MGAM2: variants seen among roughly 807,000 people sequenced by gnomAD.
MGAM2 encodes the protein maltase-glucoamylase 2 (putative).
A neutral mutation model predicts 96.1 loss-of-function variants in MGAM2; 98 were observed. The ratio of observed to expected loss-of-function variants is 1.02; its 90% confidence interval spans 0.87 to 1.21. MGAM2 has a LOEUF of 1.21. Ranked by LOEUF, MGAM2 falls within the 50% of genes most tolerant of loss-of-function variation. MGAM2 has a pLI of 0.00. For synonymous variants in MGAM2, 749 were observed against 414.8 expected (o/e 1.81, Z -9.79); for missense variants, 2,055 against 1,182.4 (o/e 1.74, Z -10.82).
chr7:142,196,858 A>G lies in MGAM2; in HGVS notation c.4632+42A>G, dbSNP rs1341491182. 4.1e-6 allele frequency: 3 copies of G among 740,488 alleles called. No homozygotes were observed. The Admixed American group carries it at 5.6e-5, about 14-fold the overall frequency. The allele number at this position is 740,488 out of a possible 1,614,324, so 45.9% of individuals were successfully genotyped here. ...TGCTCCAGGTGTTGTGTACCCTCAA[A>G]TCATAACTTCTTTTTAACCCCCAGG... On this transcript the variant is annotated intron_variant, in intron 40 of 47. Transcript: ENST00000477922.
intron 2 of MGAM2, among the ~76,000 whole-genome samples, chr7:142,118,677 T>A (rs1794456790): frequency 6.6e-6 from 1 of 152,166 alleles, no homozygotes; most frequent in South Asian, 2.1e-4. Flanking sequence ...CTTCCTGATA[T>A]GTAGCCTGAG....
Position 142,136,573 on chromosome 7 carries a change from C to A in MGAM2, c.780C>A (p.Phe260Leu). ...GMINLYGAHTFFLCLEDARGS... is the reference protein window; with the variant it reads ...GMINLYGAHTLFLCLEDARGS... The stretch of plus-strand genomic sequence containing the variant: ...TTAATCTGTATGGAGCTCATACATT[C>A]TTCTTGTGCCTTGAAGATGCCAGGG... The change falls in exon 8 of 48, where the codon TTC (phenylalanine) becomes TTA (leucine). Residue 260 changes from phenylalanine (F) to leucine (L), a missense_variant. By Grantham distance (22) the Phe-to-Leu change is conservative. Transcript: ENST00000477922. The A allele has an allele frequency of 1.4e-6, 1 of 702,428 alleles. No individual in the cohort carries two copies. The highest frequency in any genetic ancestry group is 2.6e-6 in the Non-Finnish European group (1 of 384,396). The allele number at this position is 702,428 out of a possible 1,614,324, so 43.5% of individuals were successfully genotyped here. A position where few individuals can be genotyped will look rare whatever the true frequency, so the allele number is the denominator to read the frequency against.
Position 142,117,070 on chromosome 7 carries a change from T to A in MGAM2, c.106+91T>A. The A allele has an allele frequency of 4.3e-6, 3 of 690,594 alleles. No homozygotes were observed. In the East Asian group the frequency reaches 8.1e-5, roughly 19 times the overall value. The allele number at this position is 690,594 out of a possible 1,614,324, so 42.8% of individuals were successfully genotyped here. On this transcript the variant is annotated intron_variant, in intron 2 of 47. Coordinates refer to ENST00000477922, the MANE Select transcript of MGAM2 (RefSeq NM_001293626.2). ...TATTTTATTCTTTTACTTTTCAATA[T>A]GCCACTACATTGCAGTATTCAAAAT...
intron 45 of MGAM2, 169 bp from the exon 46 acceptor site, chr7:142,208,404 C>A: frequency 3.0e-6 from 2 of 656,788 alleles, no homozygotes; most frequent in Non-Finnish European, 5.6e-6. Context: ...CCCACACTAA[C>A]ATGCAGTGAA....
At chr7:142,191,403 T>A (rs1461934575) in intron 37 of MGAM2, among the ~76,000 whole-genome samples, 1 of 152,220 alleles carries the variant, frequency 6.6e-6, no homozygotes, top group African/African-American at 2.4e-5. Context: ...TGTCTTCTTC[T>A]AAGAGCTTTA....
Position 142,173,818 on chromosome 7 carries a change from G to A in MGAM2, c.3687+464G>A, listed in dbSNP as rs148071701. Among the ~76,000 whole-genome samples, 695 of 152,318 alleles carry A rather than the reference G, an allele frequency of 4.6e-3. 9 individuals are homozygous for A. Among genetic ancestry groups the A allele is most frequent in the African/African-American group, 0.016 (658 of 41,578 alleles). On this transcript the variant is annotated intron_variant, in intron 31 of 47. Transcript: ENST00000477922. ...GGGTTGGTACTGCATAGAGAGGGTA[G>A]ACATTCAAGAAAGCTATAGAATAAT...
intron 32 of MGAM2, among the ~76,000 whole-genome samples, chr7:142,178,935 GA>G (rs1796458312): frequency 6.6e-6 from 1 of 152,006 alleles, no homozygotes; most frequent in Non-Finnish European, 1.5e-5. Context: ...TGTCATCTCT[GA>G]TTTCCTTCAA....
At chr7:142,139,487 C>T (rs898826353) in intron 10 of MGAM2, among the ~76,000 whole-genome samples, 19 of 151,426 alleles carry the variant, frequency 1.3e-4, no homozygotes, top group Admixed American at 3.9e-4. Context: ...GGTGAAACCC[C>T]GTCTCTATTA....
Position 142,185,129 on chromosome 7 carries a change from C to T in MGAM2, c.3977C>T (p.Thr1326Ile). The change falls in exon 34 of 48, where the codon ACT becomes ATT. Residue 1326 changes from threonine to isoleucine, a missense_variant. Physicochemically the swap from Thr to Ile is moderately conservative, Grantham distance 89. Coordinates refer to ENST00000477922, the MANE Select transcript of MGAM2 (RefSeq NM_001293626.2). ...GTAGATGGATCCCTTGACCATGAAA[C>T]TCAGGTTAAGGTACAGTTGTATATA... ...VIVDGSLDHE[T>I]QVKLYRAYVA... 1 of 702,940 alleles carries T rather than the reference C, an allele frequency of 1.4e-6. No individual in the cohort carries two copies. The highest frequency in any genetic ancestry group is 2.6e-6 in the Non-Finnish European group (1 of 384,930). The allele number at this position is 702,940 out of a possible 1,614,324, so 43.5% of individuals were successfully genotyped here. A position where few individuals can be genotyped will look rare whatever the true frequency, so the allele number is the denominator to read the frequency against.
At chr7:142,206,694 A>G (rs550672666) in intron 45 of MGAM2, among the ~76,000 whole-genome samples, 1 of 152,348 alleles carries the variant, frequency 6.6e-6, no homozygotes, top group South Asian at 2.1e-4. Flanking sequence ...AATTAATAGT[A>G]CCTGAAACTT....
intron 45 of MGAM2, among the ~76,000 whole-genome samples, chr7:142,202,670 A>G (rs189578101): frequency 1.0e-3 from 152 of 152,272 alleles, no homozygotes; most frequent in Admixed American, 1.8e-3. Flanking sequence ...ATGGCTGTGT[A>G]GTATTCCATG....
At position 142,170,110 on chromosome 7, in the gene MGAM2, A is replaced by G. The variant is rs1428096435; in HGVS notation, c.3063A>G (p.Pro1021=). 1 of 702,898 alleles carries G rather than the reference A, an allele frequency of 1.4e-6. No homozygotes were observed. Among genetic ancestry groups the G allele is most frequent in the South Asian group, 1.5e-5 (1 of 67,590 alleles). The allele number at this position is 702,898 out of a possible 1,614,324, so 43.5% of individuals were successfully genotyped here. ...YDPTNKRYEV[P]VPLNTPPQPV... ...CCACTAATAAAAGGTATGAGGTTCC[A>G]GTACCACTGAACACCCCTCCCCAAC... Residue 1021 remains proline, a synonymous_variant, in exon 27 of 48, where the codon CCA becomes CCG. Coordinates refer to ENST00000477922, the MANE Select transcript of MGAM2 (RefSeq NM_001293626.2).
Position 142,125,677 on chromosome 7 carries a change from A to G in MGAM2, c.187-5271A>G, listed in dbSNP as rs970109742. Among the ~76,000 whole-genome samples the G allele has an allele frequency of 7.2e-5, 11 of 152,222 alleles. No individual in the cohort carries two copies. The South Asian group carries it at 2.3e-3, about 31-fold the overall frequency. ...TGGTTATAATATAATTACTTTGTTT[A>G]TAATAGGTATGAAGCACTGACTTAA... On this transcript the variant is annotated intron_variant, in intron 3 of 47. Transcript: ENST00000477922.
At chr7:142,202,064 A>G (rs1210951930) in intron 45 of MGAM2, among the ~76,000 whole-genome samples, 1 of 152,246 alleles carries the variant, frequency 6.6e-6, no homozygotes, top group Non-Finnish European at 1.5e-5. Flanking sequence ...GAAAGATGCT[A>G]AAAATACAAA....
chr7:142,172,082 C>A lies in MGAM2; in HGVS notation c.3352-16C>A, dbSNP rs1013766315. The A allele has an allele frequency of 2.8e-6, 2 of 702,776 alleles. No individual in the cohort carries two copies. The highest frequency in any genetic ancestry group is 2.6e-5 in the East Asian group (1 of 38,082). The allele number at this position is 702,776 out of a possible 1,614,324, so 43.5% of individuals were successfully genotyped here. A position where few individuals can be genotyped will look rare whatever the true frequency, so the allele number is the denominator to read the frequency against. The stretch of plus-strand genomic sequence containing the variant: ...TCTTGCATTTTCTTTTTGTTTATTA[C>A]CCTCGTGACTCCCAGTACAAGAAGA... On this transcript the variant is annotated splice_polypyrimidine_tract_variant and intron_variant, in intron 28 of 47. Coordinates refer to ENST00000477922, the MANE Select transcript of MGAM2 (RefSeq NM_001293626.2).
chr7:142,156,662 T>G (rs1478477005), intron 17 of MGAM2, among the ~76,000 whole-genome samples: 2 of 152,260 alleles, frequency 1.3e-5, no homozygotes, highest in East Asian at 3.9e-4. Context: ...GTTACTCTCT[T>G]TAATGTTTGG....
chr7:142,185,350 A>T (rs772626591), intron 34 of MGAM2, among the ~76,000 whole-genome samples: 1 of 152,214 alleles, frequency 6.6e-6, no homozygotes, highest in African/African-American at 2.4e-5. Context: ...ATCATCAATG[A>T]AATCCTCTCA....
chr7:142,125,864 G>C (rs1794720587), intron 3 of MGAM2, among the ~76,000 whole-genome samples: 1 of 152,064 alleles, frequency 6.6e-6, no homozygotes, highest in Admixed American at 6.5e-5. Flanking sequence ...GAAAGATTCA[G>C]ACATTATAGT....
At chr7:142,150,091 G>T (rs1795526336) in intron 15 of MGAM2, among the ~76,000 whole-genome samples, 1 of 151,888 alleles carries the variant, frequency 6.6e-6, no homozygotes, top group Non-Finnish European at 1.5e-5. Flanking sequence ...ACAGGCATGC[G>T]CCACCACGCC....
Sources: gnomAD v4.1 joint callset for allele counts (sites outside exome capture counted in the v4.1 genomes callset) on GRCh38, gnomAD v4.1.1 for gene constraint, MANE v1.5 for transcripts, NCBI Gene and HGNC (gene_info 2026-07-23, HGNC 2026-07-21) for gene names.